RP2: variants seen among roughly 807,000 people sequenced by gnomAD.
RP2 encodes RP2 activator of ARL3 GTPase.
Under a neutral mutation model 20.3 loss-of-function variants are expected in RP2, and 3 were observed. That is an observed-to-expected ratio of 0.15 (90% CI 0.07 to 0.38). RP2 has a LOEUF of 0.38. Ranked by LOEUF, RP2 falls within the 10% of genes least tolerant of loss-of-function variation. RP2 has a pLI of 1.00. For missense variants in RP2, 233 were observed against 268.5 expected (o/e 0.87, Z 0.92); for synonymous variants, 75 against 94.8 (o/e 0.79, Z 1.22).
At chrX:46,851,910 A>G (rs930128842) in intron 1 of RP2, among the ~76,000 whole-genome samples, 1 of 111,420 alleles carries the variant, frequency 9.0e-6, no homozygotes, top group Non-Finnish European at 1.9e-5. Flanking sequence ...ACTAAAAAAT[A>G]CAAAAAATTA....
At chrX:46,849,836 C>G (rs1248900450) in intron 1 of RP2, among the ~76,000 whole-genome samples, 1 of 111,578 alleles carries the variant, frequency 9.0e-6, no homozygotes, top group African/African-American at 3.3e-5. Context: ...CCCTACCCCC[C>G]TACACATGGC....
chrX:46,856,748 T>C (rs782712911), intron 2 of RP2, among the ~76,000 whole-genome samples: 64 of 111,840 alleles, frequency 5.7e-4, no homozygotes, highest in African/African-American at 2.0e-3. Context: ...ATGTGGACTC[T>C]AGGGCCTTCC....
At chrX:46,847,778 ACATACACACATG>A (rs1924768073) in intron 1 of RP2, among the ~76,000 whole-genome samples, 1 of 76,045 alleles carries the variant, frequency 1.3e-5, no homozygotes, top group African/African-American at 6.7e-5. Context: ...GTGTGTGTGT[ACATACACACATG>A]TGTGTGTGTA....
chrX:46,869,542 A>G (rs782702554), intron 3 of RP2, among the ~76,000 whole-genome samples: 14 of 103,539 alleles, frequency 1.4e-4, no homozygotes, highest in African/African-American at 5.0e-4. Context: ...TCGGCCTCCC[A>G]AAGCGCTGGG....
At chrX:46,842,687 G>T (rs1423970559) in intron 1 of RP2, among the ~76,000 whole-genome samples, 1 of 111,682 alleles carries the variant, frequency 9.0e-6, no homozygotes, top group East Asian at 2.8e-4. Flanking sequence ...CTCTATAAGT[G>T]TTCCTATTTT....
chrX:46,862,568 G>C (rs782648497), intron 3 of RP2, among the ~76,000 whole-genome samples: 2 of 110,014 alleles, frequency 1.8e-5, no homozygotes, highest in Admixed American at 1.9e-4. Context: ...GCTGAGGCAG[G>C]AGAATGGCGT....
Position 46,837,199 on chromosome X carries a change from G to T in RP2, c.99G>T (p.Glu33Asp). The change falls in exon 1 of 5, where the codon GAG (glutamate) becomes GAT (aspartate). Residue 33 changes from glutamate (E) to aspartate (D), a missense_variant. By Grantham distance (45) the Glu-to-Asp change is conservative. This residue lies in a region of RP2 where 77 missense variants were observed against 71.8 expected (regional missense o/e 1.07). Transcript: ENST00000218340. The stretch of plus-strand genomic sequence containing the variant: ...AGCAGTACAGCTGGGATCAGCGCGA[G>T]AAGGTAATGAAAGTCGTGTAGCCGC... The part of the protein sequence containing the change: ...RPKQYSWDQR[E>D]KVDPKDYMFS... 8.6e-7 allele frequency: 1 copy of T among 1,167,800 alleles called. No homozygotes were observed. Among genetic ancestry groups the T allele is most frequent in the Non-Finnish European group, 1.1e-6 (1 of 872,719 alleles).
At position 46,843,986 on chromosome X, in the gene RP2, A is replaced by G. The variant is rs1924668964; in HGVS notation, c.102+6784A>G. On this transcript the variant is annotated intron_variant, in intron 1 of 4. Transcript: ENST00000218340. ...ACTGCACCCAGCCTCAGAAATTTTTATAGAAGTTTTAAGAATGAAGCATCA... is the reference window on the plus strand; with the variant it reads ...ACTGCACCCAGCCTCAGAAATTTTTGTAGAAGTTTTAAGAATGAAGCATCA... 4.5e-5 allele frequency among the ~76,000 whole-genome samples: 5 copies of G among 111,569 alleles called. No homozygotes were observed. In the Admixed American group the frequency reaches 4.8e-4, roughly 11 times the overall value.
rs782195923 is a variant in RP2, at chrX:46,851,986, GT to G, written c.103-1488del. Among the ~76,000 whole-genome samples, 3 of 111,539 alleles carry G rather than the reference GT, an allele frequency of 2.7e-5. No homozygotes were observed. In the South Asian group the frequency reaches 1.1e-3, roughly 42 times the overall value. ...GGAGGCTGAGACAGGAGAGAGCCGA[GT>G]TCATGCCACTGCACTCCAGCCTGGG... On this transcript the variant is annotated intron_variant, in intron 1 of 4. Transcript: ENST00000218340.
At chrX:46,873,251 AG>A (rs1293553210) in intron 3 of RP2, among the ~76,000 whole-genome samples, 1 of 111,322 alleles carries the variant, frequency 9.0e-6, no homozygotes, top group African/African-American at 3.3e-5. Flanking sequence ...AGATCTCAGA[AG>A]GGTTCACTAG....
At chrX:46,863,331 A>G (rs1925110736) in intron 3 of RP2, among the ~76,000 whole-genome samples, 1 of 112,586 alleles carries the variant, frequency 8.9e-6, no homozygotes, top group African/African-American at 3.2e-5. Context: ...AATAAAGCAA[A>G]TGGGGACAAA....
intron 4 of RP2, among the ~76,000 whole-genome samples, chrX:46,878,625 T>G (rs1225538466): frequency 9.0e-6 from 1 of 111,170 alleles, no homozygotes; most frequent in Non-Finnish European, 1.9e-5. Context: ...CATTTTATCA[T>G]CACAGTAGTA....
At chrX:46,868,760 T>TAGG (rs1925225048) in intron 3 of RP2, among the ~76,000 whole-genome samples, 1 of 88,026 alleles carries the variant, frequency 1.1e-5, no homozygotes, top group Non-Finnish European at 2.1e-5. Context: ...CACTCCAGCC[T>TAGG]AGGAGACAGG....
chrX:46,838,528 A>T (rs1556314126), intron 1 of RP2, among the ~76,000 whole-genome samples: 2 of 112,818 alleles, frequency 1.8e-5, no homozygotes, highest in Non-Finnish European at 3.7e-5. Flanking sequence ...TTTAGCTTGA[A>T]TTGTCTGCCT....
chrX:46,846,565 C>T (rs1556316168), intron 1 of RP2, among the ~76,000 whole-genome samples: 1 of 109,358 alleles, frequency 9.1e-6, no homozygotes, highest in African/African-American at 3.3e-5. Context: ...CCAGTGTGGG[C>T]AACAGAGCAA....
intron 3 of RP2, among the ~76,000 whole-genome samples, chrX:46,869,068 C>T (rs1556324340): frequency 9.1e-6 from 1 of 110,152 alleles, no homozygotes; most frequent in African/African-American, 3.3e-5. Context: ...CACTGCACTC[C>T]AGCCTTGGGG....
Position 46,879,839 on chromosome X carries a change from C to T in RP2, c.*70C>T. 1.6e-6 allele frequency: 1 copy of T among 641,926 alleles called. No homozygotes were observed. Among genetic ancestry groups the T allele is most frequent in the Non-Finnish European group, 2.4e-6 (1 of 411,222 alleles). The allele number at this position is 641,926 out of a possible 1,213,427, so 52.9% of individuals were successfully genotyped here. A position where few individuals can be genotyped will look rare whatever the true frequency, so the allele number is the denominator to read the frequency against. On this transcript the variant is annotated 3_prime_UTR_variant, in exon 5 of 5. Transcript: ENST00000218340. ...TGTGAATATAGAATTTGATAATACA[C>T]TTTTGTGTATTAGCAATGGTTTTTA...
chrX:46,871,453 G>A (rs1925289358), intron 3 of RP2, among the ~76,000 whole-genome samples: 1 of 112,258 alleles, frequency 8.9e-6, no homozygotes, highest in African/African-American at 3.2e-5. Context: ...GACCTCACTT[G>A]ATCCACGGAT....
intron 3 of RP2, among the ~76,000 whole-genome samples, chrX:46,865,382 C>A (rs1380811989): frequency 9.0e-6 from 1 of 111,711 alleles, no homozygotes; most frequent in Non-Finnish European, 1.9e-5. Context: ...TGACATTTTC[C>A]TCTGGTTAGA....
Sources: allele counts gnomAD v4.1 joint callset (sites outside exome capture counted in the v4.1 genomes callset), GRCh38; gene constraint gnomAD v4.1.1; regional missense constraint gnomAD v4.1.1; transcripts MANE v1.5; gene names NCBI Gene and HGNC (gene_info 2026-07-23, HGNC 2026-07-21).